Variants in ZZEF1 observed in about 807,000 individuals in gnomAD.
The protein encoded by ZZEF1 is zinc finger ZZ-type and EF-hand domain-containing protein 1.
ZZEF1 carries 157 observed loss-of-function variants against 342.8 expected under a neutral mutation model. The observed-to-expected ratio is 0.46, with a 90% CI of 0.40 to 0.52. The LOEUF is 0.52. ZZEF1 is among the 20% of genes least tolerant of loss of function. The pLI, the probability that ZZEF1 is intolerant of heterozygous loss-of-function variation, is 0.00. For synonymous variants in ZZEF1, 1,505 were observed against 1,429.1 expected, an observed-to-expected ratio of 1.05 and a Z score of -1.20; for missense variants, 3,480 against 3,725.6, an observed-to-expected ratio of 0.93 and a Z score of 1.72.
intron 1 of ZZEF1, among the ~76,000 whole-genome samples, chr17:4,140,468 CAT>C (rs1202561961): frequency 1.3e-5 from 2 of 152,140 alleles, no homozygotes; most frequent in Non-Finnish European, 2.9e-5. Context: ...TAACACTCAC[CAT>C]ATCTTATAAT....
chr17:4,067,172 T>G lies in ZZEF1; in HGVS notation c.4146A>C (p.Arg1382=). 6.2e-7 allele frequency: 1 copy of G among 1,612,860 alleles called. No individual in the cohort carries two copies. Among genetic ancestry groups the G allele is most frequent in the Non-Finnish European group, 8.5e-7 (1 of 1,179,554 alleles). The change falls in exon 27 of 55, where the codon CGA becomes CGC. Residue 1382 remains arginine, a synonymous_variant. Coordinates refer to ENST00000381638, the MANE Select transcript of ZZEF1 (RefSeq NM_015113.4). ...AQVYSLADGI[R]IWMLEMKQKS... Reference sequence around the variant, plus strand: ...GCAAAGAAAATCTTACCATCCATATTCGAATCCCATCTGCCAAGGAATAAA... The same window carrying G: ...GCAAAGAAAATCTTACCATCCATATGCGAATCCCATCTGCCAAGGAATAAA...
At chr17:4,073,325 C>T (rs1442275563) in intron 24 of ZZEF1, among the ~76,000 whole-genome samples, 1 of 152,072 alleles carries the variant, frequency 6.6e-6, no homozygotes, top group Non-Finnish European at 1.5e-5. Flanking sequence ...ACTTCTAAAA[C>T]TGGAAAAACT....
chr17:4,040,463 T>G (rs1181779995), intron 39 of ZZEF1, among the ~76,000 whole-genome samples: 1 of 152,184 alleles, frequency 6.6e-6, no homozygotes, highest in Non-Finnish European at 1.5e-5. Flanking sequence ...ACAGATAATT[T>G]GCACACTTGG....
intron 33 of ZZEF1, among the ~76,000 whole-genome samples, chr17:4,055,955 G>A (rs1377721247): frequency 6.6e-6 from 1 of 152,110 alleles, no homozygotes; most frequent in Non-Finnish European, 1.5e-5. Flanking sequence ...CCTCGCATGC[G>A]CGGTTTATTG....
chr17:4,054,346 G>A (rs1236991978), intron 33 of ZZEF1, 151 bp from the exon 34 acceptor site: 1 of 842,782 alleles, frequency 1.2e-6, no homozygotes, highest in Non-Finnish European at 1.8e-6. Flanking sequence ...TCAGTGTCTA[G>A]TTGGGAATTC....
At chr17:4,021,640 C>G (rs1363269002) in intron 44 of ZZEF1, among the ~76,000 whole-genome samples, 1 of 152,218 alleles carries the variant, frequency 6.6e-6, no homozygotes, top group East Asian at 1.9e-4. Flanking sequence ...AGCAACTCAT[C>G]TGTTACGAAT....
At chr17:4,046,215 C>T (rs1008722682) in intron 37 of ZZEF1, among the ~76,000 whole-genome samples, 1 of 152,194 alleles carries the variant, frequency 6.6e-6, no homozygotes, top group African/African-American at 2.4e-5. Flanking sequence ...GGGGCCCTTT[C>T]TGGAGGTGGG....
At chr17:4,119,058 T>A (rs1333689052) in intron 2 of ZZEF1, among the ~76,000 whole-genome samples, 1 of 152,202 alleles carries the variant, frequency 6.6e-6, no homozygotes, top group Non-Finnish European at 1.5e-5. Flanking sequence ...GCTGGCCTTG[T>A]CAGCTGAAGG....
At chr17:4,060,989 C>T (rs2057275475) in intron 30 of ZZEF1, among the ~76,000 whole-genome samples, 1 of 152,196 alleles carries the variant, frequency 6.6e-6, no homozygotes, top group African/African-American at 2.4e-5. Flanking sequence ...CTCTTTGAAA[C>T]CCTCAGTTGA....
chr17:4,133,959 C>T (rs946972068), intron 1 of ZZEF1, among the ~76,000 whole-genome samples: 1 of 152,148 alleles, frequency 6.6e-6, no homozygotes, highest in Non-Finnish European at 1.5e-5. Flanking sequence ...CCTGCCTTGG[C>T]CTCCCAGACT....
chr17:4,028,413 T>C (rs973318284), intron 42 of ZZEF1, among the ~76,000 whole-genome samples: 1 of 152,044 alleles, frequency 6.6e-6, no homozygotes, highest in Non-Finnish European at 1.5e-5. Context: ...CTGGATGTAG[T>C]GGCAGATGCC....
chr17:4,117,674 A>C (rs1447704519), intron 2 of ZZEF1, among the ~76,000 whole-genome samples: 1 of 150,562 alleles, frequency 6.6e-6, no homozygotes, highest in African/African-American at 2.4e-5. Context: ...AAAAAGAATT[A>C]ATTTAATTTT....
chr17:4,138,662 CA>C (rs1431669268), intron 1 of ZZEF1, among the ~76,000 whole-genome samples: 1 of 152,122 alleles, frequency 6.6e-6, no homozygotes, highest in Non-Finnish European at 1.5e-5. Context: ...AACTATGTGG[CA>C]AATTAATAAA....
In ZZEF1 at chr17:4,076,935, T is replaced by C. The variant is rs1454981186; in HGVS notation, c.3044A>G (p.Gln1015Arg). Reference sequence around the variant, plus strand: ...TTCTACTATGGTTTTTCCACTGTACTGTGAGAAAAGGGATTCCAAAATCGC... The same window carrying C: ...TTCTACTATGGTTTTTCCACTGTACCGTGAGAAAAGGGATTCCAAAATCGC... ...MRAILESLFS[Q>R]YSGKTIVERL... The change falls in exon 20 of 55, where the codon CAG (glutamine) becomes CGG (arginine). Residue 1015 changes from glutamine to arginine, a missense_variant. Transcript: ENST00000381638. The C allele has an allele frequency of 1.9e-6, 3 of 1,614,074 alleles. No homozygotes were observed. The African/African-American group carries it at 4.0e-5, about 22-fold the overall frequency.
intron 26 of ZZEF1, among the ~76,000 whole-genome samples, chr17:4,068,301 CAG>C (rs1315714055): frequency 2.0e-4 from 31 of 152,074 alleles, no homozygotes; most frequent in Admixed American, 1.5e-3. Context: ...TTTTTTGAGA[CAG>C]AGTTTTGCTC....
rs557735798 is a variant in ZZEF1 at position 4,039,205 on chromosome 17, C to T, written c.6306+3224G>A. 5.3e-5 allele frequency among the ~76,000 whole-genome samples: 8 copies of T among 152,144 alleles called. No homozygotes were observed. The South Asian group carries it at 8.3e-4, about 16-fold the overall frequency. Reference sequence around the variant, plus strand: ...CATCCTGGCCAGGCGCAGTGGCTCACGCCTGTAATCCCAGCACTTTGGGAG... The same window carrying T: ...CATCCTGGCCAGGCGCAGTGGCTCATGCCTGTAATCCCAGCACTTTGGGAG... On this transcript the variant is annotated intron_variant, in intron 39 of 54. Transcript: ENST00000381638.
intron 16 of ZZEF1, 144 bp downstream of exon 16, chr17:4,085,526 A>G: frequency 1.1e-6 from 1 of 951,992 alleles, no homozygotes; most frequent in Non-Finnish European, 1.5e-6. Flanking sequence ...GTCCTTAGAT[A>G]TCTGTCCCAC....
chr17:4,065,950 G>C (rs868274455), intron 28 of ZZEF1, among the ~76,000 whole-genome samples: 1 of 151,994 alleles, frequency 6.6e-6, no homozygotes, highest in Non-Finnish European at 1.5e-5. Context: ...GGGCAACACA[G>C]TGAGACCCCT....
At position 4,024,983 on chromosome 17, in the gene ZZEF1, G is replaced by A. The variant is rs770946974; in HGVS notation, c.7028C>T (p.Pro2343Leu). 4.3e-6 allele frequency: 7 copies of A among 1,614,116 alleles called. No homozygotes were observed. In the South Asian group the frequency reaches 5.5e-5, roughly 13 times the overall value. ...LLQSSMDSHC[P>L]EAVEATWVLS... ...GACCCAAGTTGCTTCTACTGCCTCG[G>A]GACAATGGCTGTCCATGCTGCTTTG... The change falls in exon 43 of 55, where the codon CCC (proline) becomes CTC (leucine). Residue 2343 changes from proline to leucine, a missense_variant. Pro to Leu is a moderately conservative substitution (Grantham distance 98). Around this residue, in one of 5 missense-constraint regions of ZZEF1, gnomAD observed 1,269 missense variants for 1,342.4 expected, o/e 0.95. Transcript: ENST00000381638.
Sources: allele counts gnomAD v4.1 joint callset (sites outside exome capture counted in the v4.1 genomes callset), GRCh38; gene constraint gnomAD v4.1.1; regional missense constraint gnomAD v4.1.1; transcripts MANE v1.5; gene names NCBI Gene and HGNC (gene_info 2026-07-23, HGNC 2026-07-21).